Variants in COL19A1 observed in about 807,000 individuals in gnomAD.
The protein encoded by COL19A1 is collagen alpha-1(XIX) chain.
Under a neutral mutation model 190.2 loss-of-function variants are expected in COL19A1, and 159 were observed. The ratio of observed to expected loss-of-function variants is 0.84; its 90% CI spans 0.73 to 0.95. The LOEUF is 0.95. Among genes scored for constraint, COL19A1 ranks in the 40% least tolerant of loss-of-function variants. The pLI is 0.00. For synonymous variants in COL19A1, 509 were observed against 458.9 expected (o/e 1.11, Z -1.39); for missense variants, 1,418 against 1,431.9 (o/e 0.99, Z 0.16).
intron 6 of COL19A1, among the ~76,000 whole-genome samples, chr6:69,932,424 T>A (rs1232255036): frequency 1.1e-5 from 1 of 89,766 alleles, no homozygotes; most frequent in African/African-American, 5.4e-5. Flanking sequence ...TTTTCTCCAA[T>A]TTTTTTTTTA....
intron 1 of COL19A1, among the ~76,000 whole-genome samples, chr6:69,868,748 G>C (rs981703472): frequency 6.6e-6 from 1 of 152,134 alleles, no homozygotes; most frequent in Non-Finnish European, 1.5e-5. Flanking sequence ...AAAACAGATG[G>C]GAACTGTTGG....
Position 70,211,385 on chromosome 6 carries a change from T to C in COL19A1, c.*4111T>C, listed in dbSNP as rs1274526150. On this transcript the variant is annotated 3_prime_UTR_variant, in exon 51 of 51. Coordinates refer to ENST00000620364, the MANE Select transcript of COL19A1 (RefSeq NM_001858.6). ...TTAAATTATTTTTCATACTTGTCTG[T>C]ATCCACCTTCTGAAGACACACAAGT... 6.6e-6 allele frequency among the ~76,000 whole-genome samples: 1 copy of C among 151,978 alleles called. No individual in the cohort carries two copies. Among genetic ancestry groups the C allele is most frequent in the African/African-American group, 2.4e-5 (1 of 41,384 alleles).
intron 31 of COL19A1, among the ~76,000 whole-genome samples, chr6:70,155,844 CTTAT>C (rs768712163): frequency 3.9e-5 from 6 of 152,086 alleles, no homozygotes; most frequent in Non-Finnish European, 8.8e-5. Flanking sequence ...GTGTCTTTTC[CTTAT>C]TTATTTGGAA....
chr6:70,081,973 G>A (rs1006250403), intron 15 of COL19A1, among the ~76,000 whole-genome samples: 3 of 152,122 alleles, frequency 2.0e-5, no homozygotes, highest in African/African-American at 7.2e-5. Context: ...AGTTTCTAGA[G>A]ATTGTTACAA....
rs552599563 is a variant in COL19A1 at position 69,902,591 on chromosome 6, G to A, written c.266+2253G>A. On this transcript the variant is annotated intron_variant, in intron 4 of 50. Transcript: ENST00000620364. The stretch of plus-strand genomic sequence containing the variant: ...CCTTTTATCTCTGGATAACAACGCA[G>A]TAACCAAGAGCTTCTGCCCTGGGCA... Among the ~76,000 whole-genome samples, 6 of 152,304 alleles carry A rather than the reference G, an allele frequency of 3.9e-5. No homozygotes were observed. The South Asian group carries it at 1.2e-3, about 32-fold the overall frequency.
intron 9 of COL19A1, among the ~76,000 whole-genome samples, chr6:69,957,423 C>T (rs1283238097): frequency 6.6e-6 from 1 of 151,932 alleles, no homozygotes; most frequent in Non-Finnish European, 1.5e-5. Context: ...AGTAATAACC[C>T]AGGCAACGAT....
chr6:70,090,087 A>G (rs911109498), intron 15 of COL19A1, among the ~76,000 whole-genome samples: 2 of 152,094 alleles, frequency 1.3e-5, no homozygotes, highest in East Asian at 3.9e-4. Flanking sequence ...CTGAGGCAGG[A>G]GGATACTTAA....
At chr6:69,990,140 A>G (rs1776537654) in intron 11 of COL19A1, among the ~76,000 whole-genome samples, 1 of 152,090 alleles carries the variant, frequency 6.6e-6, no homozygotes, top group Non-Finnish European at 1.5e-5. Context: ...TTTCAAATAA[A>G]CACAAAAGTG....
At chr6:70,161,802 A>G (rs1787824452) in intron 34 of COL19A1, 98 bp from the exon 35 acceptor site, 1 of 760,782 alleles carries the variant, frequency 1.3e-6, no homozygotes, top group Non-Finnish European at 2.1e-6. Context: ...GATTAGCTAA[A>G]TAAGTGTTTA....
intron 31 of COL19A1, among the ~76,000 whole-genome samples, chr6:70,153,407 T>A (rs1318810665): frequency 6.6e-6 from 1 of 152,168 alleles, no homozygotes. Context: ...AACGACTTTG[T>A]GTATTGGTTA....
chr6:69,959,636 G>A (rs965987033), intron 9 of COL19A1, among the ~76,000 whole-genome samples: 9 of 152,270 alleles, frequency 5.9e-5, no homozygotes, highest in Non-Finnish European at 1.3e-4. Flanking sequence ...AAAGCACGAT[G>A]TCAGACTTCA....
intron 9 of COL19A1, 23 bp downstream of exon 9, chr6:69,938,123 T>G: frequency 6.2e-7 from 1 of 1,607,030 alleles, no homozygotes. Context: ...CAAATACTGA[T>G]GGAGAAAACA....
At chr6:69,929,756 T>C (rs751584728) in intron 6 of COL19A1, 56 bp downstream of exon 6, 36 of 1,339,064 alleles carry the variant, frequency 2.7e-5, no homozygotes, top group Non-Finnish European at 1.8e-5. Context: ...AAAAAAAAAA[T>C]CTTATTAAAA....
chr6:70,132,499 C>T (rs961165330), intron 18 of COL19A1, among the ~76,000 whole-genome samples: 1 of 152,124 alleles, frequency 6.6e-6, no homozygotes, highest in Non-Finnish European at 1.5e-5. Flanking sequence ...TGAATCAATA[C>T]ATTAGTTTTT....
intron 11 of COL19A1, among the ~76,000 whole-genome samples, chr6:69,967,219 A>G (rs1325865342): frequency 2.0e-5 from 3 of 152,216 alleles, no homozygotes; most frequent in African/African-American, 7.2e-5. Context: ...GTGATGTTTA[A>G]CTTGGGCATA....
At position 70,035,898 on chromosome 6, in the gene COL19A1, T is replaced by C. The variant is rs1464602266; in HGVS notation, c.1135-6T>C. The C allele has an allele frequency of 1.2e-6, 2 of 1,612,904 alleles. No homozygotes were observed. The highest frequency in any genetic ancestry group is 1.7e-6 in the Non-Finnish European group (2 of 1,178,964). ...GTAATTGTAGCTTTTCTTTAATCTA[T>C]TTTAGGGAGATACAGGACCCCCAGG... is the stretch of plus-strand genomic sequence containing the variant. On this transcript the variant is annotated splice_region_variant and splice_polypyrimidine_tract_variant and intron_variant, in intron 13 of 50. Coordinates refer to ENST00000620364, the MANE Select transcript of COL19A1 (RefSeq NM_001858.6).
At position 69,954,213 on chromosome 6, in the gene COL19A1, T is replaced by C. The variant is rs78529177; in HGVS notation, c.937-5783T>C. On this transcript the variant is annotated intron_variant, in intron 9 of 50. Coordinates refer to ENST00000620364, the MANE Select transcript of COL19A1 (RefSeq NM_001858.6). ...GGCCACCAGGCAAAATTACAGCTTA[T>C]CCACTCAGCTCACATAGCACTTTAT... Among the ~76,000 whole-genome samples the C allele has an allele frequency of 2.5e-4, 38 of 152,160 alleles. No homozygotes were observed. In the East Asian group the frequency reaches 7.1e-3, roughly 29 times the overall value.
rs114028095 is a variant in COL19A1 at position 70,018,787 on chromosome 6, A to T, written c.1027-4840A>T. Among the ~76,000 whole-genome samples, 526 of 152,250 alleles carry T rather than the reference A, an allele frequency of 3.5e-3. 2 individuals carry two copies. Among genetic ancestry groups the T allele is most frequent in the African/African-American group, 0.012 (511 of 41,558 alleles). ...GCTGAGTCCTACTGGAAATCCTCTGAGGAAGCCTGTAGAATGTGCCTGGAA... is the reference window on the plus strand; with the variant it reads ...GCTGAGTCCTACTGGAAATCCTCTGTGGAAGCCTGTAGAATGTGCCTGGAA... On this transcript the variant is annotated intron_variant, in intron 11 of 50. Coordinates refer to ENST00000620364, the MANE Select transcript of COL19A1 (RefSeq NM_001858.6).
intron 1 of COL19A1, among the ~76,000 whole-genome samples, chr6:69,868,712 A>T (rs914594185): frequency 2.6e-5 from 4 of 152,222 alleles, no homozygotes; most frequent in African/African-American, 9.6e-5. Flanking sequence ...CTATATCTGA[A>T]TCATTCTCAT....
Sources: gnomAD v4.1 joint callset for allele counts (sites outside exome capture counted in the v4.1 genomes callset) on GRCh38, gnomAD v4.1.1 for gene constraint, MANE v1.5 for transcripts, NCBI Gene and HGNC (gene_info 2026-07-23, HGNC 2026-07-21) for gene names.